Variants in MARK3 observed in about 807,000 individuals in gnomAD.
The protein encoded by MARK3 is microtubule affinity regulating kinase 3.
A neutral mutation model predicts 90.1 loss-of-function variants in MARK3; 46 were observed. That is an observed-to-expected ratio of 0.51 (90% CI 0.40 to 0.65). The LOEUF is 0.65. Ranked by LOEUF, MARK3 falls within the 30% of genes least tolerant of loss-of-function variation. MARK3 has a pLI of 0.00. For missense variants in MARK3, 818 were observed against 947.2 expected (o/e 0.86, Z 1.79); for synonymous variants, 321 against 332.6 (o/e 0.97, Z 0.38).
intron 2 of MARK3, among the ~76,000 whole-genome samples, chr14:103,410,503 T>A (rs1471365342): frequency 2.0e-5 from 3 of 152,178 alleles, no homozygotes; most frequent in Admixed American, 6.5e-5. Context: ...AGATTTATGA[T>A]CTTTTTATAT....
intron 2 of MARK3, chr14:103,412,866 C>CT (rs1364669346): frequency 1.3e-5 from 4 of 303,268 alleles, no homozygotes; most frequent in Non-Finnish European, 2.5e-5. Flanking sequence ...GTCTTTCTTT[C>CT]TTTTTTTTCT....
chr14:103,460,187 G>A (rs192675140), intron 6 of MARK3, among the ~76,000 whole-genome samples: 30 of 139,692 alleles, frequency 2.1e-4, no homozygotes, highest in Admixed American at 1.7e-3. Flanking sequence ...CTGGGTTCAC[G>A]CCATTCTTCT....
At chr14:103,498,339 A>G (rs955305240) in intron 15 of MARK3, among the ~76,000 whole-genome samples, 163 bp from the exon 16 acceptor site, 1 of 152,098 alleles carries the variant, frequency 6.6e-6, no homozygotes, top group Non-Finnish European at 1.5e-5. Flanking sequence ...TACCTGTAAT[A>G]ATTTTACTTT....
rs752064694 is a variant in MARK3, at chr14:103,465,544, G to A, written c.541-13G>A. ...GGCTAAATTTCATTTTTGTCTTGAT[G>A]TTTTCCCTCTAGGCTGAAAATCTAT... On this transcript the variant is annotated splice_polypyrimidine_tract_variant and intron_variant, in intron 7 of 17. Transcript: ENST00000429436. 12 of 1,581,374 alleles carry A rather than the reference G, an allele frequency of 7.6e-6. No homozygotes were observed. In the African/African-American group the frequency reaches 1.3e-4, roughly 18 times the overall value.
chr14:103,394,557 A>C (rs2090462148), intron 1 of MARK3, among the ~76,000 whole-genome samples: 1 of 152,190 alleles, frequency 6.6e-6, no homozygotes, highest in Non-Finnish European at 1.5e-5. Context: ...TAGATAAGAC[A>C]TTGTTTCTGT....
intron 1 of MARK3, among the ~76,000 whole-genome samples, chr14:103,397,388 G>A (rs2090648447): frequency 6.8e-6 from 1 of 148,096 alleles, no homozygotes; most frequent in East Asian, 2.0e-4. Context: ...GTGCAGTGGT[G>A]CGATCTCGGC....
At chr14:103,436,755 G>A (rs1359364736) in intron 3 of MARK3, among the ~76,000 whole-genome samples, 4 of 152,058 alleles carry the variant, frequency 2.6e-5, no homozygotes, top group African/African-American at 9.7e-5. Flanking sequence ...TGGGATTATA[G>A]GCATGAGTCA....
intron 3 of MARK3, 110 bp from the exon 4 acceptor site, chr14:103,448,809 A>T: frequency 5.6e-6 from 6 of 1,062,906 alleles, no homozygotes; most frequent in Non-Finnish European, 8.0e-6. Context: ...AACATTAGCA[A>T]TGAATCTGTT....
At chr14:103,424,709 A>G (rs1378985400) in intron 2 of MARK3, among the ~76,000 whole-genome samples, 2 of 152,140 alleles carry the variant, frequency 1.3e-5, no homozygotes, top group Non-Finnish European at 2.9e-5. Flanking sequence ...GGAGGAATAA[A>G]GCAGAATGGA....
At chr14:103,494,343 G>A (rs1196901436) in intron 15 of MARK3, among the ~76,000 whole-genome samples, 1 of 151,608 alleles carries the variant, frequency 6.6e-6, no homozygotes, top group Non-Finnish European at 1.5e-5. Context: ...CCTGAGGTCG[G>A]GAATTTGAGA....
rs758620870 is a variant in MARK3, at chr14:103,503,071, C to T, written c.2106C>T (p.His702=). The T allele has an allele frequency of 2.0e-5, 32 of 1,614,106 alleles. No homozygotes were observed. In the East Asian group the frequency reaches 4.7e-4, roughly 24 times the overall value. Residue 702 remains histidine, a synonymous_variant, in exon 18 of 18, where the codon CAC becomes CAT. Transcript: ENST00000429436. The stretch of plus-strand genomic sequence containing the variant: ...AGCGCTTCTTGCTCTTCTGCGTCCA[C>T]GGAGATGGGCACGCGGAGAACCTCG... ...QRERFLLFCV[H]GDGHAENLVQ...
chr14:103,413,918 T>C (rs2091811703), intron 2 of MARK3, among the ~76,000 whole-genome samples: 2 of 152,210 alleles, frequency 1.3e-5, no homozygotes, highest in South Asian at 2.1e-4. Context: ...TATTCTGTTG[T>C]ATGGCTGTGC....
intron 16 of MARK3, 67 bp from the exon 17 acceptor site, chr14:103,500,089 T>C: frequency 8.2e-7 from 1 of 1,225,496 alleles, no homozygotes; most frequent in Admixed American, 1.9e-5. Flanking sequence ...TTGGTGGTCA[T>C]GTACTGGCAT....
chr14:103,416,646 C>T (rs1409690611), intron 2 of MARK3, among the ~76,000 whole-genome samples: 1 of 152,082 alleles, frequency 6.6e-6, no homozygotes, highest in African/African-American at 2.4e-5. Flanking sequence ...GTGGCGTGCC[C>T]CTGTAATCCC....
intron 4 of MARK3, 140 bp downstream of exon 4, chr14:103,449,107 T>G: frequency 2.0e-6 from 2 of 1,007,604 alleles, no homozygotes; most frequent in Middle Eastern, 2.3e-4. Context: ...TTGTATTAGC[T>G]TTTTGAAATT....
chr14:103,460,641 C>G (rs1464759736), intron 6 of MARK3, among the ~76,000 whole-genome samples: 2 of 152,138 alleles, frequency 1.3e-5, no homozygotes, highest in African/African-American at 2.4e-5. Flanking sequence ...ATCCTTTGAT[C>G]TCTTTGAGAA....
chr14:103,457,344 CA>C, intron 6 of MARK3, 132 bp downstream of exon 6: 1 of 623,028 alleles, frequency 1.6e-6, no homozygotes, highest in Non-Finnish European at 2.9e-6. Context: ...TTCAATTCAA[CA>C]AAAATTGATG....
chr14:103,405,096 GC>G lies in MARK3; in HGVS notation c.73del (p.Arg25ValfsTer19). 6.2e-7 allele frequency: 1 copy of G among 1,613,890 alleles called. No individual in the cohort carries two copies. Among genetic ancestry groups the G allele is most frequent in the Non-Finnish European group, 8.5e-7 (1 of 1,179,940 alleles). Reference sequence around the variant, plus strand: ...TGCAGCACACGTCACATGGAGATGGGCGTCAAGAAGTTACCTCTCGTACCAG... The same window carrying G: ...TGCAGCACACGTCACATGGAGATGGGGTCAAGAAGTTACCTCTCGTACCAG... ...TENHTSHGDG[R>X]QEVTSRTSRS... is the part of the protein sequence containing the mutation. On this transcript the variant is annotated frameshift_variant, in exon 2 of 18. Transcript: ENST00000429436. LOFTEE classifies it high-confidence loss of function.
At position 103,474,044 on chromosome 14, in the gene MARK3, A is replaced by AT. The variant is rs1281575484; in HGVS notation, c.1265-949_1265-948insT. Among the ~76,000 whole-genome samples the AT allele has an allele frequency of 1.2e-3, 152 of 130,820 alleles. 6 individuals carry two copies. In the East Asian group the frequency reaches 0.026, roughly 22 times the overall value. The allele number at this position is 130,820 out of a possible 152,430, so 85.8% of individuals were successfully genotyped here. On this transcript the variant is annotated intron_variant, in intron 12 of 17. Transcript: ENST00000429436. ...ACCCCGTCTCTACTAAAAAAAAAAA[A>AT]ATATATACAAAAAAAAAAAATTAGT...
Sources: gnomAD v4.1 joint callset for allele counts (sites outside exome capture counted in the v4.1 genomes callset) on GRCh38, gnomAD v4.1.1 for gene constraint, MANE v1.5 for transcripts, NCBI Gene and HGNC (gene_info 2026-07-23, HGNC 2026-07-21) for gene names.